The following CC2D2A variants were observed in gnomAD, a reference collection of about 807,000 sequenced individuals.
The protein encoded by CC2D2A is coiled-coil and C2 domain containing 2A.
In CC2D2A, 155 loss-of-function variants were observed where a neutral mutation model predicts 212.9. The ratio of observed to expected loss-of-function variants is 0.73; its 90% CI spans 0.64 to 0.83. The LOEUF is 0.83. Among genes scored for constraint, CC2D2A ranks in the 40% least tolerant of loss-of-function variants. The probability of loss-of-function intolerance (pLI) is 0.00; values close to 1 mark genes in which losing one functional copy is unlikely to be tolerated. For missense variants in CC2D2A, 1,856 were observed against 1,956.2 expected (o/e 0.95, Z 0.97); for synonymous variants, 667 against 686.5 (o/e 0.97, Z 0.44).
intron 11 of CC2D2A, among the ~76,000 whole-genome samples, chr4:15,526,206 A>G (rs1667270757): frequency 6.6e-6 from 1 of 152,200 alleles, no homozygotes; most frequent in African/African-American, 2.4e-5. Context: ...CACTGTAGAC[A>G]TCCATTAATC....
intron 33 of CC2D2A, among the ~76,000 whole-genome samples, chr4:15,592,080 T>C (rs1721130330): frequency 6.6e-6 from 1 of 152,282 alleles, no homozygotes; most frequent in African/African-American, 2.4e-5. Flanking sequence ...ACAACTTCTT[T>C]GGATGTCAGT....
At chr4:15,598,355 T>C (rs1219929786) in intron 35 of CC2D2A, among the ~76,000 whole-genome samples, 2 of 152,214 alleles carry the variant, frequency 1.3e-5, no homozygotes, top group Non-Finnish European at 2.9e-5. Flanking sequence ...AACCCATGCA[T>C]TTAGTTAGGC....
In CC2D2A at chr4:15,479,907, C is replaced by T. The variant is rs536831447; in HGVS notation, c.124-797C>T. Among the ~76,000 whole-genome samples the T allele has an allele frequency of 1.9e-3, 282 of 152,332 alleles. 2 individuals are homozygous for T. Among genetic ancestry groups the T allele is most frequent in the Non-Finnish European group, 3.4e-3 (232 of 68,028 alleles). On this transcript the variant is annotated intron_variant, in intron 3 of 36. Coordinates refer to ENST00000424120, the MANE Select transcript of CC2D2A (RefSeq NM_001378615.1). ...GGCAAGGATGGAGAAGGGAATATAA[C>T]AGCTCTCAAATGCTGAGCAATTTAT...
chr4:15,600,926 AAAG>A (rs1292712424), intron 36 of CC2D2A, among the ~76,000 whole-genome samples: 12 of 152,062 alleles, frequency 7.9e-5, no homozygotes, highest in Non-Finnish European at 7.4e-5. Flanking sequence ...AAAAAAGAAA[AAAG>A]AAATGTATTT....
rs764556903 is a variant in CC2D2A, at chr4:15,537,914, A to G, written c.1780A>G (p.Lys594Glu). The G allele has an allele frequency of 7.5e-6, 12 of 1,602,094 alleles. No individual in the cohort carries two copies. The Admixed American group carries it at 1.4e-4, about 18-fold the overall frequency. Residue 594 changes from lysine (K) to glutamate (E), a missense_variant, in exon 16 of 37, where the codon AAA becomes GAA. Coordinates refer to ENST00000424120, the MANE Select transcript of CC2D2A (RefSeq NM_001378615.1). Reference sequence around the variant, plus strand: ...AACTCAACAGAGGGCCAAGAAGAAGAAAAGGAAACAAGCAGCAGAAGAACA... The same window carrying G: ...AACTCAACAGAGGGCCAAGAAGAAGGAAAGGAAACAAGCAGCAGAAGAACA... ...WRKVQRAKKK[K>E]RKQAAEEHPG...
chr4:15,567,498 C>A lies in CC2D2A; in HGVS notation c.3288+16C>A, dbSNP rs2109070306. 1 of 1,600,826 alleles carries A rather than the reference C, an allele frequency of 6.2e-7. No individual in the cohort carries two copies. The highest frequency in any genetic ancestry group is 1.7e-5 in the Admixed American group (1 of 58,906). On this transcript the variant is annotated intron_variant, in intron 25 of 36. Transcript: ENST00000424120. ...CCTCGGCCAGGTGAGAGATGCTGGACTTCAGCTTTCCACCTTGCCCCTTAA... is the reference window on the plus strand; with the variant it reads ...CCTCGGCCAGGTGAGAGATGCTGGAATTCAGCTTTCCACCTTGCCCCTTAA...
chr4:15,500,107 G>GTGTGTATATATATATATA (rs1479141284), intron 4 of CC2D2A, among the ~76,000 whole-genome samples: 110 of 112,918 alleles, frequency 9.7e-4, no homozygotes, highest in Non-Finnish European at 1.8e-3. Flanking sequence ...GTGTGTGTGT[G>GTGTGTATATATATATATA]TATATATATA....
At chr4:15,563,134 C>T (rs1196549346) in intron 23 of CC2D2A, among the ~76,000 whole-genome samples, 1 of 152,210 alleles carries the variant, frequency 6.6e-6, no homozygotes, top group Non-Finnish European at 1.5e-5. Context: ...AGCATGGCTT[C>T]TCTTCCTTGG....
chr4:15,580,766 T>C (rs1720629245), intron 30 of CC2D2A, among the ~76,000 whole-genome samples: 1 of 152,190 alleles, frequency 6.6e-6, no homozygotes, highest in Non-Finnish European at 1.5e-5. Flanking sequence ...CATTATGTAT[T>C]CTCAATCACT....
At chr4:15,575,582 C>T (rs1035868769) in intron 29 of CC2D2A, among the ~76,000 whole-genome samples, 2 of 152,158 alleles carry the variant, frequency 1.3e-5, no homozygotes, top group African/African-American at 2.4e-5. Flanking sequence ...AACAAACATA[C>T]TCCTTTTTTT....
chr4:15,545,887 T>C (rs1342393580), intron 17 of CC2D2A, among the ~76,000 whole-genome samples: 4 of 152,078 alleles, frequency 2.6e-5, no homozygotes, highest in African/African-American at 7.2e-5. Flanking sequence ...GACGGAAGGA[T>C]AGCTTGGGCC....
At chr4:15,582,952 C>CA (rs1720715807) in intron 30 of CC2D2A, among the ~76,000 whole-genome samples, 1 of 151,972 alleles carries the variant, frequency 6.6e-6, no homozygotes, top group Admixed American at 6.6e-5. Flanking sequence ...AAAATATTGC[C>CA]AAACAAAATT....
chr4:15,533,180 T>C lies in CC2D2A; in HGVS notation c.1467-13T>C, dbSNP rs747750921. ...CTTTTTAATATATACTCATGTGTTA[T>C]TATATCTTGCAGACAAACAAGAAAA... On this transcript the variant is annotated splice_polypyrimidine_tract_variant and intron_variant, in intron 13 of 36. Transcript: ENST00000424120. 1 of 1,575,836 alleles carries C rather than the reference T, an allele frequency of 6.3e-7. No homozygotes were observed. Among genetic ancestry groups the C allele is most frequent in the Non-Finnish European group, 8.6e-7 (1 of 1,168,964 alleles).
chr4:15,505,872 G>T (rs1716225794), intron 6 of CC2D2A, among the ~76,000 whole-genome samples: 1 of 152,090 alleles, frequency 6.6e-6, no homozygotes, highest in Non-Finnish European at 1.5e-5. Flanking sequence ...AAATTTGAGG[G>T]GTCTACAAGA....
chr4:15,599,533 G>T lies in CC2D2A; in HGVS notation c.4501G>T (p.Glu1501Ter), dbSNP rs1381179049. 6.4e-7 allele frequency: 1 copy of T among 1,552,986 alleles called. No individual in the cohort carries two copies. The highest frequency in any genetic ancestry group is 1.2e-5 in the South Asian group (1 of 82,152). ...AAAAELQDRI[E>*]KILKEKIMDW... ...GAATTTATGTTTTGTGAACAGGATT[G>T]AAAAAATACTAAAAGAAAAAATCAT... is the stretch of plus-strand genomic sequence containing the variant. Residue 1501 changes from glutamate to a stop codon, truncating the protein, a stop_gained, in exon 36 of 37, where the codon GAA (glutamate) becomes TAA (stop). Transcript: ENST00000424120. LOFTEE classifies it high-confidence loss of function.
At chr4:15,516,040 G>A (rs1188830275) in intron 10 of CC2D2A, 36 bp downstream of exon 10, 1 of 1,531,890 alleles carries the variant, frequency 6.5e-7, no homozygotes, top group East Asian at 2.4e-5. Flanking sequence ...GTGTAGCCTG[G>A]GCACACTAGA....
intron 4 of CC2D2A, among the ~76,000 whole-genome samples, chr4:15,487,471 T>C (rs1349142102): frequency 1.3e-5 from 2 of 152,120 alleles, no homozygotes; most frequent in Non-Finnish European, 2.9e-5. Flanking sequence ...TCCTGCTCTT[T>C]TTACATTTCC....
intron 11 of CC2D2A, among the ~76,000 whole-genome samples, chr4:15,525,735 A>C (rs1426446574): frequency 6.6e-6 from 1 of 152,212 alleles, no homozygotes; most frequent in Non-Finnish European, 1.5e-5. Context: ...TCGATATATA[A>C]GAAAGGGAAC....
At position 15,555,157 on chromosome 4, in the gene CC2D2A, T is replaced by C. The variant is rs1368360810; in HGVS notation, c.2572T>C (p.Ser858Pro). The change falls in exon 20 of 37, where the codon TCC (serine) becomes CCC (proline). Residue 858 changes from serine (S) to proline (P), a missense_variant. Around this residue, in one of 5 missense-constraint regions of CC2D2A, gnomAD observed 1,512 missense variants for 1,579.3 expected, o/e 0.96. Transcript: ENST00000424120. Reference protein sequence around the residue: ...MKKLAKWAAESKLDPNDPNNA... With the variant: ...MKKLAKWAAEPKLDPNDPNNA... ...AAAATTGGCCAAGTGGGCAGCAGAG[T>C]CCAAGCTCGACCCAAATGACCCCAA... is the stretch of plus-strand genomic sequence containing the variant. 1.9e-6 allele frequency: 3 copies of C among 1,613,432 alleles called. No individual in the cohort carries two copies. The highest frequency in any genetic ancestry group is 2.5e-6 in the Non-Finnish European group (3 of 1,179,772).
Sources: gnomAD v4.1 joint callset for allele counts (sites outside exome capture counted in the v4.1 genomes callset) on GRCh38, gnomAD v4.1.1 for gene constraint, gnomAD v4.1.1 regional missense constraint, MANE v1.5 for transcripts, NCBI Gene and HGNC (gene_info 2026-07-23, HGNC 2026-07-21) for gene names.